Variants in ZNF43 observed in about 807,000 individuals in gnomAD.
ZNF43 encodes zinc finger protein 39-like 1 (KOX 27).
In ZNF43, 44 loss-of-function variants were observed where a neutral mutation model predicts 68.4. The observed-to-expected ratio is 0.64, with a 90% CI of 0.51 to 0.83. The LOEUF (loss-of-function observed/expected upper bound fraction) is 0.83. ZNF43 is among the 40% of genes least tolerant of loss of function. The pLI is 0.00. For synonymous variants in ZNF43, 308 were observed against 307.8 expected (o/e 1.00, Z -0.01); for missense variants, 896 against 933.2 (o/e 0.96, Z 0.52).
rs373082300 is a variant in ZNF43, at chr19:21,807,383, C to T, written c.*224G>A. The T allele has an allele frequency of 2.4e-6, 1 of 412,284 alleles. No homozygotes were observed. Among genetic ancestry groups the T allele is most frequent in the Admixed American group, 4.0e-5 (1 of 25,034 alleles). 25.5% of individuals were successfully genotyped at this position (412,284 alleles called of 1,614,324 possible). ...TCTCTGATGTTGAGTAAGATATGAG[C>T]ACATATTAATGGCTTTTCCACATTC... On this transcript the variant is annotated 3_prime_UTR_variant, in exon 4 of 4. Coordinates refer to ENST00000354959, the MANE Select transcript of ZNF43 (RefSeq NM_003423.4).
At chr19:21,851,713 CAG>C (rs1423644515) in intron 1 of ZNF43, among the ~76,000 whole-genome samples, 1 of 152,138 alleles carries the variant, frequency 6.6e-6, no homozygotes, top group African/African-American at 2.4e-5. Context: ...GAGCTCCAGA[CAG>C]GGTACCGCGC....
At position 21,806,614 on chromosome 19, in the gene ZNF43, A is replaced by C. The variant is rs968378018; in HGVS notation, c.*993T>G. The C allele has an allele frequency of 6.6e-6, 1 of 152,236 alleles. No individual in the cohort carries two copies. The highest frequency in any genetic ancestry group is 1.5e-5 in the Non-Finnish European group (1 of 68,046). 9.4% of individuals were successfully genotyped at this position (152,236 alleles called of 1,614,324 possible). On this transcript the variant is annotated 3_prime_UTR_variant, in exon 4 of 4. Coordinates refer to ENST00000354959, the MANE Select transcript of ZNF43 (RefSeq NM_003423.4). ...TAGCAGGAATGAAAAAAGAGCATAA[A>C]GTTATTTGAGAGTTTAATTACATCA...
At chr19:21,834,683 C>A (rs559326673) in intron 1 of ZNF43, among the ~76,000 whole-genome samples, 2 of 151,072 alleles carry the variant, frequency 1.3e-5, no homozygotes, top group East Asian at 4.0e-4. Flanking sequence ...CGGTTGAACC[C>A]GGGAGGTTGC....
At chr19:21,821,793 TAAAAC>T (rs928992880) in intron 1 of ZNF43, among the ~76,000 whole-genome samples, 3 of 151,992 alleles carry the variant, frequency 2.0e-5, no homozygotes, top group Non-Finnish European at 2.9e-5. Context: ...AAAAAGCAGT[TAAAAC>T]AAACTCATTA....
At chr19:21,832,049 G>A (rs1230001862) in intron 1 of ZNF43, among the ~76,000 whole-genome samples, 1 of 152,054 alleles carries the variant, frequency 6.6e-6, no homozygotes, top group South Asian at 2.1e-4. Flanking sequence ...AATAAATGTG[G>A]AACTAAAAGA....
At position 21,835,581 on chromosome 19, in the gene ZNF43, T is replaced by C. The variant is rs146380482; in HGVS notation, c.3+455A>G. 2.7e-3 allele frequency among the ~76,000 whole-genome samples: 403 copies of C among 151,882 alleles called. 1 individual carries two copies. Among genetic ancestry groups the C allele is most frequent in the African/African-American group, 9.3e-3 (384 of 41,486 alleles). Reference sequence around the variant, plus strand: ...CATATTAGCCAGGCTGCTCTCGAACTCCTCACCTCGTCATCCACCCACCTC... The same window carrying C: ...CATATTAGCCAGGCTGCTCTCGAACCCCTCACCTCGTCATCCACCCACCTC... On this transcript the variant is annotated intron_variant, in intron 1 of 3. Coordinates refer to ENST00000354959, the MANE Select transcript of ZNF43 (RefSeq NM_003423.4).
At chr19:21,839,331 CAAAAAAAAAAA>C (rs61335194), upstream of ZNF43, among the ~76,000 whole-genome samples, 55 of 28,304 alleles carry the variant, frequency 1.9e-3, no homozygotes, top group Non-Finnish European at 2.1e-3. Flanking sequence ...AGAGATCAGG[CAAAAAAAAAAA>C]AAAAAAAAAA....
chr19:21,824,685 T>G (rs141018537), intron 1 of ZNF43, among the ~76,000 whole-genome samples: 25 of 131,278 alleles, frequency 1.9e-4, no homozygotes, highest in African/African-American at 5.6e-4. Flanking sequence ...TCAAAAGAGA[T>G]CCCCTCATAG....
upstream of ZNF43, among the ~76,000 whole-genome samples, chr19:21,837,511 G>A (rs543525145): frequency 3.8e-5 from 5 of 132,032 alleles, no homozygotes; most frequent in East Asian, 7.1e-4. Context: ...TGCAACCTCC[G>A]CCTCCCAGGT....
chr19:21,845,988 G>C (rs1488095554), intron 1 of ZNF43, among the ~76,000 whole-genome samples: 1 of 151,078 alleles, frequency 6.6e-6, no homozygotes, highest in Non-Finnish European at 1.5e-5. Context: ...TTTTTGTTCA[G>C]AGTCCAAGCA....
rs1202233376 is a variant in ZNF43 at position 21,805,509 on chromosome 19, C to G, written c.*2098G>C. On this transcript the variant is annotated 3_prime_UTR_variant, in exon 4 of 4. Transcript: ENST00000354959. ...TAGTGGGCGCCTGTGGTCCCAGCTA[C>G]TTGGGAGGCTGAGGCAGGAGAATGG... is the stretch of plus-strand genomic sequence containing the variant. 2 of 149,366 alleles carry G rather than the reference C, an allele frequency of 1.3e-5. No homozygotes were observed. Among genetic ancestry groups the G allele is most frequent in the African/African-American group, 5.0e-5 (2 of 40,346 alleles). The allele number at this position is 149,366 out of a possible 1,614,324, so 9.3% of individuals were successfully genotyped here.
chr19:21,840,018 G>C (rs1012927833), upstream of ZNF43: 3 of 152,188 alleles, frequency 2.0e-5, no homozygotes, highest in African/African-American at 7.2e-5. Context: ...GGTAGAAAGA[G>C]AGTCACATTA....
chr19:21,829,273 TC>T (rs1464226686), intron 1 of ZNF43, among the ~76,000 whole-genome samples: 1 of 151,850 alleles, frequency 6.6e-6, no homozygotes, highest in Non-Finnish European at 1.5e-5. Flanking sequence ...CTACACAGAC[TC>T]CAAGGTTGAG....
rs751784442 is a variant in ZNF43, at chr19:21,808,631, A to C, written c.1406T>G (p.Leu469Arg). Residue 469 changes from leucine to arginine, a missense_variant, in exon 4 of 4, where the codon CTT (leucine) becomes CGT (arginine). Leu to Arg is a moderately radical substitution (Grantham distance 102, BLOSUM62 -2). Coordinates refer to ENST00000354959, the MANE Select transcript of ZNF43 (RefSeq NM_003423.4). ...CGKAFNQFSN[L>R]TTHKRIHTAE... is the part of the protein sequence containing the mutation. ...AGTATGAATTCTCTTATGTGTAGTA[A>C]GGTTTGAGAACTGGTTAAAGGCTTT... is the stretch of plus-strand genomic sequence containing the variant. 4 of 1,613,262 alleles carry C rather than the reference A, an allele frequency of 2.5e-6. No individual in the cohort carries two copies. The highest frequency in any genetic ancestry group is 4.5e-5 in the East Asian group (2 of 44,848).
upstream of ZNF43, chr19:21,840,172 G>T (rs988875245): frequency 6.6e-6 from 1 of 152,218 alleles, no homozygotes; most frequent in African/African-American, 2.4e-5. Flanking sequence ...CATAACCAGG[G>T]TGTGGGGTCC....
intron 1 of ZNF43, among the ~76,000 whole-genome samples, chr19:21,848,836 C>G (rs767983517): frequency 6.6e-6 from 1 of 151,676 alleles, no homozygotes; most frequent in African/African-American, 2.4e-5. Flanking sequence ...GCATAAGAGC[C>G]TCCATCTCTC....
chr19:21,834,941 T>TAA (rs35243760), intron 1 of ZNF43, among the ~76,000 whole-genome samples: 27,135 of 131,908 alleles, frequency 0.21, 2,783 homozygotes, highest in Non-Finnish European at 0.24. Context: ...AAATGTACAC[T>TAA]AAAAAAAAAA....
intron 1 of ZNF43, chr19:21,827,390 T>TC (rs1335580747): frequency 1.3e-5 from 2 of 152,114 alleles, no homozygotes; most frequent in African/African-American, 4.8e-5. Flanking sequence ...AAATGAAGTT[T>TC]CCCTCTTGTT....
chr19:21,839,671 T>C (rs1162607220), upstream of ZNF43: 1 of 152,162 alleles, frequency 6.6e-6, no homozygotes, highest in African/African-American at 2.4e-5. Context: ...AATTATTTGG[T>C]TTCTGGGCTC....
Sources: allele counts gnomAD v4.1 joint callset (sites outside exome capture counted in the v4.1 genomes callset), GRCh38; gene constraint gnomAD v4.1.1; transcripts MANE v1.5; gene names NCBI Gene and HGNC (gene_info 2026-07-23, HGNC 2026-07-21).